TOP6BL: variants seen among roughly 807,000 people sequenced by gnomAD.
TOP6BL encodes type 2 DNA topoisomerase 6 subunit B-like.
chr11:66,839,284 T>C, the TOP6BL span: 2 of 433,684 alleles, frequency 4.6e-6, no homozygotes, highest in Non-Finnish European at 9.3e-6. Context: ...GTACTGTTAT[T>C]AACTCTCATT....
At chr11:66,838,278 G>C in the TOP6BL span, 1 of 1,104,214 alleles carries the variant, frequency 9.1e-7, no homozygotes, top group South Asian at 1.3e-5. Context: ...AACCTTGTGA[G>C]GTCAGTGAAG....
the TOP6BL span, chr11:66,762,251 A>G: frequency 7.5e-6 from 4 of 536,782 alleles, no homozygotes; most frequent in African/African-American, 7.7e-5. Flanking sequence ...GCCGCAGAAC[A>G]CGCGCGCAAA....
the TOP6BL span, chr11:66,801,097 T>C: frequency 1.3e-5 from 21 of 1,613,564 alleles, no homozygotes; most frequent in Non-Finnish European, 1.8e-5. Context: ...CCCAGCATTA[T>C]GTGAGGTGAA....
At chr11:66,780,365 C>T in the TOP6BL span, among the ~76,000 whole-genome samples, 1 of 152,126 alleles carries the variant, frequency 6.6e-6, no homozygotes, top group South Asian at 2.1e-4. Context: ...TCATTTCTTC[C>T]TTTATAGCTG....
chr11:66,757,868 G>A, the TOP6BL span, among the ~76,000 whole-genome samples: 6 of 152,282 alleles, frequency 3.9e-5, no homozygotes, highest in East Asian at 1.9e-4. Flanking sequence ...GATTACAGGC[G>A]TGAGCCACCA....
chr11:66,787,232 C>G, the TOP6BL span, among the ~76,000 whole-genome samples: 1 of 151,962 alleles, frequency 6.6e-6, no homozygotes, highest in South Asian at 2.1e-4. Flanking sequence ...CCGTGCCCAG[C>G]CGATAGCTAG....
chr11:66,806,032 CAA>C, the TOP6BL span, among the ~76,000 whole-genome samples: 1 of 152,116 alleles, frequency 6.6e-6, no homozygotes, highest in African/African-American at 2.4e-5. Context: ...TATGGTGTCT[CAA>C]GACATCCTTT....
chr11:66,759,091 TA>T, the TOP6BL span: 1 of 1,544,380 alleles, frequency 6.5e-7, no homozygotes. Flanking sequence ...AAGAAGTTCC[TA>T]AAAGGTAAAG....
the TOP6BL span, chr11:66,814,116 A>G: frequency 7.7e-6 from 10 of 1,291,248 alleles, no homozygotes; most frequent in South Asian, 9.1e-5. Context: ...ATATGACCAG[A>G]GATCTGATGG....
the TOP6BL span, among the ~76,000 whole-genome samples, chr11:66,752,970 AT>A: frequency 1.3e-5 from 2 of 151,980 alleles, no homozygotes; most frequent in African/African-American, 4.8e-5. Context: ...CTCTACTAAA[AT>A]ACAAAAAATT....
chr11:66,769,897 C>T, the TOP6BL span, among the ~76,000 whole-genome samples: 23 of 151,722 alleles, frequency 1.5e-4, no homozygotes, highest in African/African-American at 2.2e-4. Flanking sequence ...CCCACCACCA[C>T]GCCCGGCTAA....
At chr11:66,839,681 G>C in the TOP6BL span, among the ~76,000 whole-genome samples, 7 of 152,136 alleles carry the variant, frequency 4.6e-5, no homozygotes, top group East Asian at 1.3e-3. Flanking sequence ...ACAAAGCAAA[G>C]AATCTATTTT....
At chr11:66,774,673 G>C in the TOP6BL span, among the ~76,000 whole-genome samples, 1 of 151,796 alleles carries the variant, frequency 6.6e-6, no homozygotes, top group Non-Finnish European at 1.5e-5. Flanking sequence ...GGGTTTCACT[G>C]TGTTAGCCAG....
the TOP6BL span, among the ~76,000 whole-genome samples, chr11:66,822,874 C>T: frequency 6.6e-6 from 1 of 151,952 alleles, no homozygotes; most frequent in East Asian, 1.9e-4. Flanking sequence ...TGGAGTGGTG[C>T]ACACCTGTGG....
the TOP6BL span, among the ~76,000 whole-genome samples, chr11:66,787,872 A>G: frequency 6.6e-6 from 1 of 152,226 alleles, no homozygotes; most frequent in Admixed American, 6.5e-5. Context: ...TTCTGAAGCT[A>G]TCTGGCATTA....
chr11:66,823,015 C>T, the TOP6BL span, among the ~76,000 whole-genome samples: 8 of 151,298 alleles, frequency 5.3e-5, no homozygotes, highest in East Asian at 1.2e-3. Context: ...AAAAAAAATG[C>T]CCAGGGCAGT....
At chr11:66,801,394 CTA>C in the TOP6BL span, among the ~76,000 whole-genome samples, 27 of 152,302 alleles carry the variant, frequency 1.8e-4, no homozygotes, top group East Asian at 4.6e-3. Flanking sequence ...GAAGAGAAGA[CTA>C]TGAATTTAAA....
chr11:66,841,903 A>C, the TOP6BL span, among the ~76,000 whole-genome samples: 1 of 151,922 alleles, frequency 6.6e-6, no homozygotes, highest in Non-Finnish European at 1.5e-5. Flanking sequence ...CTGGCATATC[A>C]CTCTTCATCC....
At chr11:66,747,912 G>A in the TOP6BL span, among the ~76,000 whole-genome samples, 1 of 152,114 alleles carries the variant, frequency 6.6e-6, no homozygotes, top group South Asian at 2.1e-4. Context: ...AAGCTACCGC[G>A]CAGGGCAGCA....
Sources: gnomAD v4.1 joint callset for allele counts (sites outside exome capture counted in the v4.1 genomes callset) on GRCh38, gnomAD v4.1.1 for gene constraint, MANE v1.5 for transcripts, NCBI Gene and HGNC (gene_info 2026-07-23, HGNC 2026-07-21) for gene names.